The following PFKFB3 variants were observed in gnomAD, a reference collection of about 807,000 sequenced individuals.
PFKFB3 encodes 6-phosphofructo-2-kinase/fructose-2,6-biphosphatase 3.
A neutral mutation model predicts 68.0 loss-of-function variants in PFKFB3; 33 were observed. The ratio of observed to expected loss-of-function variants is 0.49; its 90% confidence interval spans 0.37 to 0.65. The LOEUF is 0.65. PFKFB3 is among the 30% of genes least tolerant of loss of function. The probability of loss-of-function intolerance (pLI) is 0.00; values close to 1 mark genes in which losing one functional copy is unlikely to be tolerated. For synonymous variants in PFKFB3, 315 were observed against 288.2 expected (o/e 1.09, Z -0.94); for missense variants, 586 against 712.2 (o/e 0.82, Z 2.02).
At chr10:6,298,905 T>C in the PFKFB3 span, among the ~76,000 whole-genome samples, 1 of 152,198 alleles carries the variant, frequency 6.6e-6, no homozygotes, top group African/African-American at 2.4e-5. Flanking sequence ...TTATATGACA[T>C]CTTATTTTCT....
intron 14 of PFKFB3, among the ~76,000 whole-genome samples, chr10:6,247,989 TG>T (rs1382491709): frequency 6.6e-6 from 1 of 152,206 alleles, no homozygotes; most frequent in African/African-American, 2.4e-5. Context: ...CAGGTCACCC[TG>T]GGTAGAGCAG....
Position 6,205,521 on chromosome 10 carries a change from A to T in PFKFB3, c.76+2185A>T, listed in dbSNP as rs147091359. On this transcript the variant is annotated intron_variant, in intron 1 of 14. Transcript: ENST00000379775. ...GATTCTCGTGCCTCAGTCTCCCGAGAAGCTGGGATTACAGGCGCACGCCGC... is the reference window on the plus strand; with the variant it reads ...GATTCTCGTGCCTCAGTCTCCCGAGTAGCTGGGATTACAGGCGCACGCCGC... Among the ~76,000 whole-genome samples the T allele has an allele frequency of 7.9e-3, 1,193 of 150,292 alleles. 24 individuals are homozygous for T. In the East Asian group the frequency reaches 0.08, roughly 10 times the overall value.
At position 6,233,715 on chromosome 10, in the gene PFKFB3, A is replaced by T. The variant is rs1001900554; in HGVS notation, c.*773A>T. On this transcript the variant is annotated 3_prime_UTR_variant, in exon 15 of 15. Coordinates refer to ENST00000379775, the MANE Select transcript of PFKFB3 (RefSeq NM_004566.4). ...TCTCCTCCCACCTGGACTTGGGGGGAACTGAGAAACACTTTCCTGGAGCTG... is the reference window on the plus strand; with the variant it reads ...TCTCCTCCCACCTGGACTTGGGGGGTACTGAGAAACACTTTCCTGGAGCTG... The T allele has an allele frequency of 2.6e-5, 4 of 152,734 alleles. No individual in the cohort carries two copies. Among genetic ancestry groups the T allele is most frequent in the African/African-American group, 9.7e-5 (4 of 41,410 alleles). The allele number at this position is 152,734 out of a possible 1,614,324, so 9.5% of individuals were successfully genotyped here. A position where few individuals can be genotyped will look rare whatever the true frequency, so the allele number is the denominator to read the frequency against.
chr10:6,225,958 C>A (rs970128471), intron 13 of PFKFB3, among the ~76,000 whole-genome samples: 8 of 152,188 alleles, frequency 5.3e-5, no homozygotes, highest in Non-Finnish European at 7.3e-5. Flanking sequence ...TGTGGGGAAT[C>A]CTTTGGTACC....
At chr10:6,168,473 C>T (rs1192398675) in intron 1 of PFKFB3, among the ~76,000 whole-genome samples, 1 of 152,200 alleles carries the variant, frequency 6.6e-6, no homozygotes, top group Non-Finnish European at 1.5e-5. Flanking sequence ...ATGTGTCAGC[C>T]TTATGCAGTT....
chr10:6,209,538 A>G (rs1844018695), intron 1 of PFKFB3, among the ~76,000 whole-genome samples: 1 of 152,008 alleles, frequency 6.6e-6, no homozygotes. Context: ...CATTGGTACA[A>G]TCTCGGCTCA....
intron 1 of PFKFB3, among the ~76,000 whole-genome samples, chr10:6,195,237 G>A (rs1843145978): frequency 6.6e-6 from 1 of 152,208 alleles, no homozygotes; most frequent in Admixed American, 6.5e-5. Context: ...CCCTTAGAGA[G>A]GAGACATGGG....
At chr10:6,219,447 G>C in intron 6 of PFKFB3, 122 bp from the exon 7 acceptor site, 1 of 1,035,598 alleles carries the variant, frequency 9.7e-7, no homozygotes, top group Non-Finnish European at 1.5e-6. Flanking sequence ...TTACACGCTG[G>C]GCCGGATAAT....
the PFKFB3 span, among the ~76,000 whole-genome samples, chr10:6,322,286 G>A: frequency 3.3e-5 from 5 of 151,874 alleles, no homozygotes; most frequent in Admixed American, 2.0e-4. Context: ...TTACACATTC[G>A]GCATTCGGCG....
intron 1 of PFKFB3, among the ~76,000 whole-genome samples, chr10:6,153,495 G>C (rs1220373142): frequency 6.6e-6 from 1 of 152,186 alleles, no homozygotes; most frequent in Non-Finnish European, 1.5e-5. Flanking sequence ...CCCTGGGTTG[G>C]TGAGCAGGTG....
downstream of PFKFB3, among the ~76,000 whole-genome samples, chr10:6,256,434 C>T (rs1042150495): frequency 1.3e-5 from 2 of 152,122 alleles, no homozygotes; most frequent in Admixed American, 1.3e-4. Context: ...TGACAGTACC[C>T]GGAGGGGACG....
At position 6,228,336 on chromosome 10, in the gene PFKFB3, G is replaced by A. The variant is rs902127038; in HGVS notation, c.1515+1971G>A. 18 of 1,112,944 alleles carry A rather than the reference G, an allele frequency of 1.6e-5. No homozygotes were observed. Among genetic ancestry groups the A allele is most frequent in the Admixed American group, 5.3e-5 (3 of 57,066 alleles). 68.9% of individuals were successfully genotyped at this position (1,112,944 alleles called of 1,614,324 possible). A position where few individuals can be genotyped will look rare whatever the true frequency, so the allele number is the denominator to read the frequency against. On this transcript the variant is annotated intron_variant, in intron 14 of 14. Transcript: ENST00000379775. The surrounding 1 kb of genome is among the most constrained non-coding windows in gnomAD (Gnocchi z 4.5). ...GCAGTTTTGTGATGTGAGGTCTTCCGTGGGGGAAGGAGGAGATGGGCGTAG... is the reference window on the plus strand; with the variant it reads ...GCAGTTTTGTGATGTGAGGTCTTCCATGGGGGAAGGAGGAGATGGGCGTAG...
Position 6,215,820 on chromosome 10 carries a change from C to T in PFKFB3, c.300-305C>T, listed in dbSNP as rs1281774935. Among the ~76,000 whole-genome samples, 1 of 152,218 alleles carries T rather than the reference C, an allele frequency of 6.6e-6. No individual in the cohort carries two copies. Among genetic ancestry groups the T allele is most frequent in the Non-Finnish European group, 1.5e-5 (1 of 68,036 alleles). The stretch of plus-strand genomic sequence containing the variant: ...CTAAAATCCCTGATGCCAGGCCCCA[C>T]CCCAGACCAGTTAGTGCAACTCTGT... On this transcript the variant is annotated intron_variant, in intron 3 of 14. Transcript: ENST00000379775. This position sits in a 1 kb window ranked among gnomAD's most constrained non-coding sequence, Gnocchi z 4.3.
At chr10:6,192,366 C>CTTTTTTTTTTTTTTTTTT (rs149846128) in intron 1 of PFKFB3, among the ~76,000 whole-genome samples, 1 of 113,070 alleles carries the variant, frequency 8.8e-6, no homozygotes, top group African/African-American at 3.4e-5. Flanking sequence ...TTTCTTTCTT[C>CTTTTTTTTTTTTTTTTTT]TTTTTTTTTT....
At chr10:6,278,082 T>C in the PFKFB3 span, among the ~76,000 whole-genome samples, 2 of 151,930 alleles carry the variant, frequency 1.3e-5, no homozygotes, top group Non-Finnish European at 2.9e-5. Flanking sequence ...CACACCCACC[T>C]AATTTTTGTA....
the PFKFB3 span, among the ~76,000 whole-genome samples, chr10:6,285,082 G>C: frequency 2.0e-5 from 3 of 152,102 alleles, no homozygotes; most frequent in Admixed American, 2.0e-4. Context: ...CCTGCTTTCA[G>C]TTCTTTGGGG....
At chr10:6,262,812 A>G in the PFKFB3 span, among the ~76,000 whole-genome samples, 1 of 152,190 alleles carries the variant, frequency 6.6e-6, no homozygotes, top group Non-Finnish European at 1.5e-5. Context: ...ATCAAAACCT[A>G]GTAGCTCAGA....
At chr10:6,231,778 C>T (rs1022669101) in intron 14 of PFKFB3, among the ~76,000 whole-genome samples, 6 of 152,052 alleles carry the variant, frequency 3.9e-5, no homozygotes, top group East Asian at 1.9e-4. Flanking sequence ...CATCAACCCC[C>T]GCAGGCAGCC....
At chr10:6,209,639 A>G (rs1363792165) in intron 1 of PFKFB3, among the ~76,000 whole-genome samples, 1 of 150,120 alleles carries the variant, frequency 6.7e-6, no homozygotes, top group Non-Finnish European at 1.5e-5. Flanking sequence ...TAATTTTTGT[A>G]TTTTTAGTAT....
Sources: allele counts gnomAD v4.1 joint callset (sites outside exome capture counted in the v4.1 genomes callset), GRCh38; gene constraint gnomAD v4.1.1; non-coding constraint Gnocchi (gnomAD v3.1); transcripts MANE v1.5; gene names NCBI Gene and HGNC (gene_info 2026-07-23, HGNC 2026-07-21).